The following PCDH15 variants were observed in gnomAD, a reference collection of about 807,000 sequenced individuals.
PCDH15 encodes the protein protocadherin-15.
In PCDH15, 129 loss-of-function variants were observed where a neutral mutation model predicts 178.5. The ratio of observed to expected loss-of-function variants is 0.72; its 90% CI spans 0.63 to 0.84. The LOEUF (loss-of-function observed/expected upper bound fraction) is 0.84. PCDH15 is among the 40% of genes least tolerant of loss of function. The probability of loss-of-function intolerance (pLI) is 0.00; values close to 1 mark genes in which losing one functional copy is unlikely to be tolerated. For synonymous variants in PCDH15, 800 were observed against 732.0 expected (o/e 1.09, Z -1.50); for missense variants, 2,230 against 2,099.9 (o/e 1.06, Z -1.21).
chr10:54,087,195 A>T (rs1206124983), intron 16 of PCDH15, among the ~76,000 whole-genome samples: 1 of 147,808 alleles, frequency 6.8e-6, no homozygotes, highest in African/African-American at 2.4e-5. Flanking sequence ...CCACCAATTT[A>T]AAGGGTACAA....
intron 3 of PCDH15, among the ~76,000 whole-genome samples, chr10:54,506,317 G>A (rs991126074): frequency 1.3e-5 from 2 of 151,758 alleles, no homozygotes; most frequent in African/African-American, 2.4e-5. Context: ...TCAGTATTTA[G>A]GTGGATAATT....
intron 2 of PCDH15, among the ~76,000 whole-genome samples, chr10:54,928,265 CA>C (rs1837681207): frequency 6.6e-6 from 1 of 152,218 alleles, no homozygotes; most frequent in African/African-American, 2.4e-5. Flanking sequence ...TATTGGACCC[CA>C]ATCTCTTCTG....
intron 1 of PCDH15, among the ~76,000 whole-genome samples, chr10:55,193,988 T>C (rs570548337): frequency 2.6e-5 from 4 of 152,022 alleles, no homozygotes; most frequent in Non-Finnish European, 5.9e-5. Context: ...ATTTGCTGCA[T>C]GTATGCTTCC....
intron 3 of PCDH15, among the ~76,000 whole-genome samples, chr10:54,832,349 T>C (rs980595178): frequency 2.4e-5 from 3 of 126,956 alleles, no homozygotes; most frequent in African/African-American, 8.4e-5. Context: ...GAATATTTAA[T>C]ATTTTATAAC....
chr10:55,518,778 T>C (rs973087821), intron 2 of PCDH15, among the ~76,000 whole-genome samples: 2 of 151,440 alleles, frequency 1.3e-5, no homozygotes, highest in Admixed American at 6.6e-5. Flanking sequence ...TCTGATAAAC[T>C]CTCCCACCCT....
At chr10:54,568,412 ATCT>A (rs1272293960) in intron 2 of PCDH15, among the ~76,000 whole-genome samples, 10 of 152,268 alleles carry the variant, frequency 6.6e-5, no homozygotes, top group South Asian at 4.1e-4. Flanking sequence ...GATATATTAC[ATCT>A]TCATTTGTTT....
intron 25 of PCDH15, among the ~76,000 whole-genome samples, chr10:53,908,110 C>G (rs1180367005): frequency 6.6e-6 from 1 of 152,146 alleles, no homozygotes; most frequent in Non-Finnish European, 1.5e-5. Context: ...CAACTGGGAT[C>G]AATTTGGCTG....
At chr10:55,213,376 A>G (rs1840619078) in intron 1 of PCDH15, among the ~76,000 whole-genome samples, 1 of 152,206 alleles carries the variant, frequency 6.6e-6, no homozygotes, top group East Asian at 1.9e-4. Context: ...CCTTGATCAG[A>G]TAAGTATTAT....
chr10:54,960,097 T>A (rs2131883117), intron 2 of PCDH15, among the ~76,000 whole-genome samples: 1 of 152,286 alleles, frequency 6.6e-6, no homozygotes, highest in South Asian at 2.1e-4. Context: ...ACCTGGAAAA[T>A]GCTTTATTCT....
intron 2 of PCDH15, among the ~76,000 whole-genome samples, chr10:55,430,327 G>T (rs1838853167): frequency 6.6e-6 from 1 of 151,972 alleles, no homozygotes; most frequent in African/African-American, 2.4e-5. Flanking sequence ...GAGGAATGGG[G>T]GAAGAAAAAG....
intron 2 of PCDH15, among the ~76,000 whole-genome samples, chr10:55,618,029 A>G (rs935575752): frequency 1.3e-5 from 2 of 152,080 alleles, no homozygotes; most frequent in African/African-American, 4.8e-5. Context: ...TTATAGAAAG[A>G]AATACAATTA....
At chr10:54,525,589 G>T (rs2083288715) in intron 3 of PCDH15, among the ~76,000 whole-genome samples, 1 of 152,098 alleles carries the variant, frequency 6.6e-6, no homozygotes, top group Non-Finnish European at 1.5e-5. Context: ...CTCCCAAGTA[G>T]CTGGGACTGT....
rs1591900725 is a variant in PCDH15 at position 55,097,405 on chromosome 10, C to A, written c.-80+69171G>T. 2.6e-5 allele frequency among the ~76,000 whole-genome samples: 4 copies of A among 152,172 alleles called. No homozygotes were observed. In the South Asian group the frequency reaches 8.3e-4, roughly 32 times the overall value. On this transcript the variant is annotated intron_variant, in intron 2 of 5. Transcript: ENST00000458638. ...CTAGGAAGTGAAAGTGGGTCTTTAG[C>A]CTTCTGACATATTCAATAACATTGA...
At chr10:53,838,463 T>C (rs12359993) in intron 29 of PCDH15, among the ~76,000 whole-genome samples, 1 of 140,578 alleles carries the variant, frequency 7.1e-6, no homozygotes. Context: ...GGCTTTTTTT[T>C]CCCCAAATAT....
intron 2 of PCDH15, among the ~76,000 whole-genome samples, chr10:55,350,244 TATATATATATATATATATATATATACAC>T (rs1432085107): frequency 1.6e-5 from 1 of 61,338 alleles, no homozygotes; most frequent in Admixed American, 1.6e-4. Flanking sequence ...TATATATATA[TATATATATATATATATATATATATACAC>T]ACACACACAC....
Position 54,562,983 on chromosome 10 carries a change from G to A in PCDH15, c.92-35106C>T, listed in dbSNP as rs56703848. Among the ~76,000 whole-genome samples, 960 of 152,046 alleles carry A rather than the reference G, an allele frequency of 6.3e-3. 14 individuals carry two copies. The highest frequency in any genetic ancestry group is 0.022 in the African/African-American group (909 of 41,460). On this transcript the variant is annotated intron_variant, in intron 2 of 37. Transcript: ENST00000644397. Reference sequence around the variant, plus strand: ...GGACTTAACCTTTTAGGAGCAATACGGAACACTATTAAATGTTTATTTACT... The same window carrying A: ...GGACTTAACCTTTTAGGAGCAATACAGAACACTATTAAATGTTTATTTACT...
chr10:54,723,719 G>A (rs1254822584), intron 1 of PCDH15, among the ~76,000 whole-genome samples: 1 of 150,664 alleles, frequency 6.6e-6, no homozygotes, highest in Non-Finnish European at 1.5e-5. Flanking sequence ...TAATTCCACT[G>A]AAGAGTGGGC....
At chr10:54,460,840 C>T (rs1315860671) in intron 3 of PCDH15, among the ~76,000 whole-genome samples, 1 of 151,926 alleles carries the variant, frequency 6.6e-6, no homozygotes, top group Non-Finnish European at 1.5e-5. Flanking sequence ...TTGAGGAACT[C>T]CAACGTGGGA....
chr10:55,391,230 A>G (rs1322774518), intron 2 of PCDH15, among the ~76,000 whole-genome samples: 1 of 150,870 alleles, frequency 6.6e-6, no homozygotes, highest in Non-Finnish European at 1.5e-5. Flanking sequence ...TTGAATTTTT[A>G]TGTTACAGAG....
Sources: gnomAD v4.1 joint callset for allele counts (sites outside exome capture counted in the v4.1 genomes callset) on GRCh38, gnomAD v4.1.1 for gene constraint, MANE v1.5 for transcripts, NCBI Gene and HGNC (gene_info 2026-07-23, HGNC 2026-07-21) for gene names.